VPS35L: variants seen among roughly 807,000 people sequenced by gnomAD.
VPS35L encodes VPS35 endosomal protein sorting factor like, also known as VPS35 endosomal protein-sorting factor-like.
In VPS35L, 83 loss-of-function variants were observed where a neutral mutation model predicts 133.0. That is an observed-to-expected ratio of 0.62 (90% CI 0.52 to 0.75). The LOEUF is 0.75. Among genes scored for constraint, VPS35L ranks in the 30% least tolerant of loss-of-function variants. The probability of loss-of-function intolerance (pLI) is 0.00; values close to 1 mark genes in which losing one functional copy is unlikely to be tolerated. For synonymous variants in VPS35L, 423 were observed against 449.9 expected (o/e 0.94, Z 0.76); for missense variants, 1,083 against 1,206.8 (o/e 0.90, Z 1.52).
chr16:19,689,079 G>A (rs954343678), intron 28 of VPS35L, among the ~76,000 whole-genome samples: 2 of 141,814 alleles, frequency 1.4e-5, no homozygotes, highest in Admixed American at 7.3e-5. Flanking sequence ...CCACTCTGTC[G>A]CCAGGCTGGA....
chr16:19,653,719 A>T (rs558422279), intron 26 of VPS35L, among the ~76,000 whole-genome samples: 1 of 152,284 alleles, frequency 6.6e-6, no homozygotes, highest in South Asian at 2.1e-4. Flanking sequence ...ACTTGTTGCC[A>T]TTGTCTTCGT....
intron 1 of VPS35L, among the ~76,000 whole-genome samples, chr16:19,557,361 T>C (rs1450256533): frequency 6.6e-6 from 1 of 152,204 alleles, no homozygotes; most frequent in Non-Finnish European, 1.5e-5. Flanking sequence ...AGGGTCTCTA[T>C]AGTTCCTAAT....
intron 14 of VPS35L, among the ~76,000 whole-genome samples, chr16:19,618,475 G>A (rs1307913187): frequency 2.0e-5 from 3 of 152,140 alleles, no homozygotes; most frequent in African/African-American, 2.4e-5. Flanking sequence ...GGAGACTCCC[G>A]ATGATCTGTA....
chr16:19,694,157 A>G (rs978599930), intron 29 of VPS35L: 1 of 148,340 alleles, frequency 6.7e-6, no homozygotes, highest in African/African-American at 2.6e-5. Context: ...TGGCACAATC[A>G]TTGTAATTCT....
At chr16:19,683,608 A>C (rs1975361675) in intron 28 of VPS35L, among the ~76,000 whole-genome samples, 1 of 152,204 alleles carries the variant, frequency 6.6e-6, no homozygotes, top group Non-Finnish European at 1.5e-5. Flanking sequence ...AGTTGCACCC[A>C]TGTTGCCACA....
chr16:19,682,327 A>G lies in VPS35L; in HGVS notation c.2464A>G (p.Thr822Ala), dbSNP rs1280276939. ...DNSDEKIRIY[T>A]CVLHLLSAMS... Reference sequence around the variant, plus strand: ...CAGCGATGAGAAAATCCGCATCTACACCTGCGTCCTGCATCTCCTCTCCGC... The same window carrying G: ...CAGCGATGAGAAAATCCGCATCTACGCCTGCGTCCTGCATCTCCTCTCCGC... Residue 822 changes from threonine (T) to alanine (A), a missense_variant, in exon 28 of 31, where the codon ACC (threonine) becomes GCC (alanine). Coordinates refer to ENST00000417362, the MANE Select transcript of VPS35L (RefSeq NM_020314.7). 1 of 1,614,072 alleles carries G rather than the reference A, an allele frequency of 6.2e-7. No individual in the cohort carries two copies. Among genetic ancestry groups the G allele is most frequent in the Admixed American group, 1.7e-5 (1 of 60,004 alleles).
At chr16:19,632,760 G>C (rs1973497080) in intron 18 of VPS35L, among the ~76,000 whole-genome samples, 1 of 152,250 alleles carries the variant, frequency 6.6e-6, no homozygotes, top group African/African-American at 2.4e-5. Context: ...GTGCTTCACT[G>C]TTCTCTCTGC....
At chr16:19,614,882 A>C (rs1283742036) in intron 12 of VPS35L, among the ~76,000 whole-genome samples, 1 of 152,156 alleles carries the variant, frequency 6.6e-6, no homozygotes, top group Non-Finnish European at 1.5e-5. Context: ...ATGATTAGTA[A>C]ATTTCTTCAG....
intron 2 of VPS35L, among the ~76,000 whole-genome samples, chr16:19,565,607 C>T (rs1417861310): frequency 6.6e-6 from 1 of 152,236 alleles, no homozygotes; most frequent in Non-Finnish European, 1.5e-5. Context: ...ACCACCTTGG[C>T]CTCCCAAACT....
chr16:19,637,714 T>C, intron 20 of VPS35L, 58 bp downstream of exon 20: 2 of 1,248,262 alleles, frequency 1.6e-6, no homozygotes, highest in Non-Finnish European at 2.3e-6. Flanking sequence ...AGGTTCTCAT[T>C]GTCTCAGTAA....
chr16:19,677,441 G>A (rs1232030851), intron 27 of VPS35L, among the ~76,000 whole-genome samples: 3 of 152,152 alleles, frequency 2.0e-5, no homozygotes, highest in East Asian at 1.9e-4. Flanking sequence ...GGGGGATGGG[G>A]TCAGATAATC....
intron 27 of VPS35L, among the ~76,000 whole-genome samples, chr16:19,678,500 A>G (rs1975140734): frequency 6.8e-6 from 1 of 146,448 alleles, no homozygotes. Context: ...TTTTTTTGAG[A>G]GGAGTCTCGC....
At chr16:19,569,273 CA>C in intron 2 of VPS35L, 150 bp from the exon 3 acceptor site, 2 of 874,890 alleles carry the variant, frequency 2.3e-6, no homozygotes, top group Non-Finnish European at 3.8e-6. Context: ...CCATTTGTCA[CA>C]AAAACTAAGC....
chr16:19,626,911 C>T (rs762771250), intron 15 of VPS35L, among the ~76,000 whole-genome samples: 4 of 152,128 alleles, frequency 2.6e-5, no homozygotes, highest in Non-Finnish European at 5.9e-5. Context: ...ATGGAAACAG[C>T]CTTGCATGGG....
At chr16:19,647,271 C>G (rs569309822) in intron 23 of VPS35L, among the ~76,000 whole-genome samples, 1 of 152,180 alleles carries the variant, frequency 6.6e-6, no homozygotes, top group Non-Finnish European at 1.5e-5. Context: ...AGATATGAAA[C>G]ATGATAGCTG....
At chr16:19,682,641 C>A (rs1014180866) in intron 28 of VPS35L, among the ~76,000 whole-genome samples, 1 of 152,182 alleles carries the variant, frequency 6.6e-6, no homozygotes, top group Non-Finnish European at 1.5e-5. Context: ...GCAGGCGGAT[C>A]ACCTGAGGTC....
intron 22 of VPS35L, among the ~76,000 whole-genome samples, chr16:19,644,271 A>G (rs1973871943): frequency 6.6e-6 from 1 of 152,234 alleles, no homozygotes; most frequent in Non-Finnish European, 1.5e-5. Context: ...TCAAAAAAAT[A>G]AGATGGATTG....
intron 15 of VPS35L, among the ~76,000 whole-genome samples, chr16:19,626,648 G>A (rs895905263): frequency 1.3e-5 from 2 of 152,082 alleles, no homozygotes; most frequent in African/African-American, 4.8e-5. Context: ...TGTAGTCGCA[G>A]CTACTCAGGA....
chr16:19,644,563 A>G lies in VPS35L; in HGVS notation c.1866-323A>G, dbSNP rs190948124. The stretch of plus-strand genomic sequence containing the variant: ...GGAGATTTTTTAAATAAAATATTCA[A>G]TGAAATTTCCCTGAAATACAAAATT... On this transcript the variant is annotated intron_variant, in intron 22 of 30. Transcript: ENST00000417362. Among the ~76,000 whole-genome samples the G allele has an allele frequency of 4.3e-3, 652 of 152,332 alleles. 2 individuals carry two copies. Among genetic ancestry groups the G allele is most frequent in the Non-Finnish European group, 7.8e-3 (533 of 68,036 alleles).
Sources: allele counts gnomAD v4.1 joint callset (sites outside exome capture counted in the v4.1 genomes callset), GRCh38; gene constraint gnomAD v4.1.1; transcripts MANE v1.5; gene names NCBI Gene and HGNC (gene_info 2026-07-23, HGNC 2026-07-21).